PLXNA4: variants seen among roughly 807,000 people sequenced by gnomAD.
PLXNA4 encodes the protein plexin A4, also known as plexin-A4.
PLXNA4 carries 44 observed loss-of-function variants against 191.8 expected under a neutral mutation model. That is an observed-to-expected ratio of 0.23 (90% CI 0.18 to 0.29). The LOEUF (loss-of-function observed/expected upper bound fraction) is 0.29, where lower values mean the gene tolerates loss of function less well. Ranked by LOEUF, PLXNA4 falls within the 10% of genes least tolerant of loss-of-function variation. The pLI is 1.00. For missense variants in PLXNA4, 1,800 were observed against 2,488.8 expected, an observed-to-expected ratio of 0.72 and a Z score of 5.89; for synonymous variants, 1,082 against 1,009.5, an observed-to-expected ratio of 1.07 and a Z score of -1.36.
At chr7:132,316,792 T>C (rs1024281299) in intron 3 of PLXNA4, among the ~76,000 whole-genome samples, 1 of 152,236 alleles carries the variant, frequency 6.6e-6, no homozygotes, top group Non-Finnish European at 1.5e-5. Context: ...AATAAGGGAC[T>C]GGGGTCTCAC....
chr7:132,563,316 TC>T (rs1801433133), intron 1 of PLXNA4, among the ~76,000 whole-genome samples: 1 of 110,356 alleles, frequency 9.1e-6, no homozygotes, highest in Middle Eastern at 8.1e-3. Context: ...CTCCTTCTCT[TC>T]CTCCTTCTCC....
intron 2 of PLXNA4, among the ~76,000 whole-genome samples, chr7:132,495,590 TG>T (rs1797978933): frequency 6.6e-6 from 1 of 152,166 alleles, no homozygotes; most frequent in Non-Finnish European, 1.5e-5. Flanking sequence ...CATTGCTCTG[TG>T]GGCAACTCCT....
chr7:132,635,699 G>A (rs528242720), intron 2 of PLXNA4, among the ~76,000 whole-genome samples: 2 of 152,096 alleles, frequency 1.3e-5, no homozygotes, highest in East Asian at 1.9e-4. Flanking sequence ...AACCCCCAAC[G>A]AACCACGGAA....
chr7:132,524,504 A>G (rs1799320276), intron 1 of PLXNA4, among the ~76,000 whole-genome samples: 1 of 152,206 alleles, frequency 6.6e-6, no homozygotes, highest in Non-Finnish European at 1.5e-5. Flanking sequence ...CATTATATAA[A>G]ACAGTGAAGG....
At chr7:132,266,909 G>C (rs1172322495) in intron 4 of PLXNA4, among the ~76,000 whole-genome samples, 2 of 152,180 alleles carry the variant, frequency 1.3e-5, no homozygotes, top group East Asian at 3.8e-4. Context: ...CATGCCACCT[G>C]CTAGGGAGTT....
chr7:132,524,602 G>A (rs1236127820), intron 1 of PLXNA4, among the ~76,000 whole-genome samples: 4 of 152,172 alleles, frequency 2.6e-5, no homozygotes, highest in Non-Finnish European at 5.9e-5. Context: ...TTGAGATGGA[G>A]TCTCACTCTG....
intron 3 of PLXNA4, among the ~76,000 whole-genome samples, chr7:132,322,338 T>C (rs1398307349): frequency 3.9e-5 from 6 of 152,124 alleles, no homozygotes; most frequent in African/African-American, 1.2e-4. Flanking sequence ...TGTGCCACCA[T>C]GTCTGGCTAA....
At chr7:132,172,774 A>ATAAT (rs1442052767) in intron 21 of PLXNA4, among the ~76,000 whole-genome samples, 3 of 151,614 alleles carry the variant, frequency 2.0e-5, no homozygotes, top group Non-Finnish European at 4.4e-5. Flanking sequence ...AATAATAATA[A>ATAAT]TAATAATAAA....
chr7:132,217,715 C>T (rs889863497), intron 9 of PLXNA4, among the ~76,000 whole-genome samples: 1 of 151,966 alleles, frequency 6.6e-6, no homozygotes, highest in African/African-American at 2.4e-5. Flanking sequence ...TGATCTATGA[C>T]AGGCTGGTTC....
intron 2 of PLXNA4, among the ~76,000 whole-genome samples, chr7:132,631,944 G>T (rs745831440): frequency 6.6e-6 from 1 of 152,134 alleles, no homozygotes; most frequent in Non-Finnish European, 1.5e-5. Context: ...GGATTAATTA[G>T]TGGAGGAAGA....
chr7:132,375,445 C>T (rs1479093849), intron 3 of PLXNA4, among the ~76,000 whole-genome samples: 5 of 152,192 alleles, frequency 3.3e-5, no homozygotes, highest in Non-Finnish European at 7.3e-5. Flanking sequence ...TTCCACTCAT[C>T]AAAAGCAAAT....
intron 25 of PLXNA4, among the ~76,000 whole-genome samples, chr7:132,149,599 C>A (rs975178500): frequency 2.0e-5 from 3 of 152,188 alleles, no homozygotes; most frequent in Non-Finnish European, 4.4e-5. Context: ...CTCTTAAATT[C>A]AAATGCAACG....
intron 1 of PLXNA4, among the ~76,000 whole-genome samples, chr7:132,549,390 G>A (rs900382252): frequency 6.6e-6 from 1 of 152,068 alleles, no homozygotes; most frequent in African/African-American, 2.4e-5. Context: ...TCACACCCTT[G>A]AGGTGTCTTG....
chr7:132,387,056 C>A (rs751506060), intron 3 of PLXNA4, among the ~76,000 whole-genome samples: 3 of 152,218 alleles, frequency 2.0e-5, no homozygotes, highest in Non-Finnish European at 4.4e-5. Context: ...TTGCTGTATA[C>A]ATTTCTAAAT....
intron 26 of PLXNA4, 148 bp downstream of exon 26, chr7:132,148,395 T>C: frequency 8.3e-7 from 1 of 1,198,712 alleles, no homozygotes. Context: ...GTTTCTTGGC[T>C]GGGAGACACC....
rs745748590 is a variant in PLXNA4 at position 132,594,953 on chromosome 7, AG to A, written c.-87+50974del. 1.4e-3 allele frequency among the ~76,000 whole-genome samples: 175 copies of A among 121,396 alleles called. 1 individual carries two copies. The highest frequency in any genetic ancestry group is 4.3e-3 in the Middle Eastern group (1 of 232). The allele number at this position is 121,396 out of a possible 152,430, so 79.6% of individuals were successfully genotyped here. A position where few individuals can be genotyped will look rare whatever the true frequency, so the allele number is the denominator to read the frequency against. ...TAGATAGATAGATAGATAGATAGAT[AG>A]ATAGATAGATAATTGATAGATAATA... On this transcript the variant is annotated intron_variant, in intron 2 of 4. Transcript: ENST00000378539.
chr7:132,610,904 G>A (rs188623645), intron 2 of PLXNA4, among the ~76,000 whole-genome samples: 23 of 152,310 alleles, frequency 1.5e-4, no homozygotes, highest in African/African-American at 5.5e-4. Flanking sequence ...GGATGAGCAG[G>A]AGGGTGTCTG....
chr7:132,289,574 C>G (rs1465800424), intron 4 of PLXNA4, among the ~76,000 whole-genome samples: 1 of 151,974 alleles, frequency 6.6e-6, no homozygotes, highest in Non-Finnish European at 1.5e-5. Flanking sequence ...CCTCTGTTGC[C>G]CAGGCTGGAG....
intron 1 of PLXNA4, among the ~76,000 whole-genome samples, chr7:132,539,349 C>A: frequency 6.6e-6 from 1 of 152,154 alleles, no homozygotes; most frequent in East Asian, 1.9e-4. Context: ...TCCAAATTAC[C>A]GGCAGTTACG....
Sources: allele counts gnomAD v4.1 joint callset (sites outside exome capture counted in the v4.1 genomes callset), GRCh38; gene constraint gnomAD v4.1.1; transcripts MANE v1.5; gene names NCBI Gene and HGNC (gene_info 2026-07-23, HGNC 2026-07-21).